Variants in TPRG1 observed in about 807,000 individuals in gnomAD.
TPRG1 encodes the protein tumor protein p63 regulated 1.
In TPRG1, 29 loss-of-function variants were observed where a neutral mutation model predicts 29.3. The ratio of observed to expected loss-of-function variants is 0.99; its 90% CI spans 0.74 to 1.35. TPRG1 has a LOEUF of 1.35. Among genes scored for constraint, TPRG1 ranks in the 40% most tolerant of loss-of-function variants. TPRG1 has a pLI of 0.00. For missense variants in TPRG1, 327 were observed against 335.0 expected (o/e 0.98, Z 0.19); for synonymous variants, 130 against 116.8 (o/e 1.11, Z -0.73).
chr3:189,058,448 A>G (rs781474484), intron 4 of TPRG1, among the ~76,000 whole-genome samples: 4 of 152,364 alleles, frequency 2.6e-5, no homozygotes, highest in Middle Eastern at 3.4e-3. Context: ...GCTGGTTTCT[A>G]TAAAATGGCA....
chr3:189,089,899 CT>C (rs1373472890), intron 4 of TPRG1, among the ~76,000 whole-genome samples: 3 of 151,584 alleles, frequency 2.0e-5, no homozygotes, highest in South Asian at 2.1e-4. Context: ...TGTTTGTCTT[CT>C]TTTTTTTATG....
chr3:189,232,647 A>G (rs1277331236), intron 3 of TPRG1, among the ~76,000 whole-genome samples: 1 of 152,156 alleles, frequency 6.6e-6, no homozygotes, highest in Non-Finnish European at 1.5e-5. Flanking sequence ...GACTGTCTGC[A>G]TGGGATAGTG....
At chr3:189,286,597 A>G (rs1302189602) in intron 4 of TPRG1, among the ~76,000 whole-genome samples, 5 of 152,152 alleles carry the variant, frequency 3.3e-5, no homozygotes, top group Non-Finnish European at 7.4e-5. Context: ...ATTGGGACTG[A>G]GAGATACTAG....
chr3:189,078,051 C>T (rs1269578879), intron 4 of TPRG1, among the ~76,000 whole-genome samples: 92 of 149,428 alleles, frequency 6.2e-4, no homozygotes, highest in African/African-American at 2.1e-3. Context: ...TTCCTTCCTT[C>T]CTTCCTTCCT....
intron 4 of TPRG1, among the ~76,000 whole-genome samples, chr3:189,295,913 T>A (rs1316755150): frequency 4.1e-5 from 4 of 97,232 alleles, no homozygotes; most frequent in Admixed American, 8.9e-5. Flanking sequence ...AATGATGCTT[T>A]AAAAAAAAAA....
At chr3:189,069,875 C>T (rs556659095) in intron 4 of TPRG1, among the ~76,000 whole-genome samples, 4 of 152,210 alleles carry the variant, frequency 2.6e-5, no homozygotes, top group East Asian at 1.9e-4. Flanking sequence ...GTCAAGAGAT[C>T]GAGACCATCC....
chr3:189,246,466 T>G (rs1741399354), intron 4 of TPRG1, among the ~76,000 whole-genome samples: 1 of 152,216 alleles, frequency 6.6e-6, no homozygotes, highest in Non-Finnish European at 1.5e-5. Flanking sequence ...GGCTCATGCT[T>G]TTAATCCATG....
chr3:189,176,348 T>C (rs1729485572), intron 1 of TPRG1, among the ~76,000 whole-genome samples: 1 of 152,228 alleles, frequency 6.6e-6, no homozygotes, highest in Non-Finnish European at 1.5e-5. Flanking sequence ...CAAACGTCTA[T>C]TCAAGTGTCA....
intron 3 of TPRG1, among the ~76,000 whole-genome samples, chr3:189,145,502 G>C (rs1305425456): frequency 6.6e-6 from 1 of 152,160 alleles, no homozygotes; most frequent in Non-Finnish European, 1.5e-5. Flanking sequence ...CTGACCCCTT[G>C]ACAGTGAAGT....
chr3:189,272,107 C>A (rs2109087721), intron 4 of TPRG1, among the ~76,000 whole-genome samples: 1 of 152,260 alleles, frequency 6.6e-6, no homozygotes, highest in East Asian at 1.9e-4. Context: ...CAACTTAGTT[C>A]TTGATGGGAA....
chr3:189,089,243 A>T (rs1159438530), intron 4 of TPRG1, among the ~76,000 whole-genome samples: 1 of 152,214 alleles, frequency 6.6e-6, no homozygotes, highest in Admixed American at 6.5e-5. Context: ...GTAGAATCAC[A>T]TGGGATTCCT....
intron 4 of TPRG1, among the ~76,000 whole-genome samples, chr3:189,275,906 T>C (rs1334267399): frequency 6.6e-6 from 1 of 152,096 alleles, no homozygotes; most frequent in Non-Finnish European, 1.5e-5. Flanking sequence ...TACCTCAAAG[T>C]CTTCAGTGGG....
At chr3:189,118,456 A>G (rs751173142) in intron 1 of TPRG1, among the ~76,000 whole-genome samples, 3 of 152,222 alleles carry the variant, frequency 2.0e-5, no homozygotes, top group East Asian at 1.9e-4. Context: ...ATAAGTATCA[A>G]GGAGTCAAAT....
chr3:189,065,918 G>T lies in TPRG1; in HGVS notation c.-463+41972G>T, dbSNP rs151230854. ...TAATAAAAATCCCAAGGAATCTAAAGAAAAAGAATCCTAGAACTAATAAAT... is the reference window on the plus strand; with the variant it reads ...TAATAAAAATCCCAAGGAATCTAAATAAAAAGAATCCTAGAACTAATAAAT... On this transcript the variant is annotated intron_variant, in intron 4 of 10. Coordinates refer to the TPRG1 transcript ENST00000433971. Among the ~76,000 whole-genome samples, 47 of 152,142 alleles carry T rather than the reference G, an allele frequency of 3.1e-4. No homozygotes were observed. In the East Asian group the frequency reaches 8.1e-3, roughly 26 times the overall value.
chr3:189,071,696 G>A (rs973602049), intron 4 of TPRG1, among the ~76,000 whole-genome samples: 8 of 152,236 alleles, frequency 5.3e-5, no homozygotes, highest in African/African-American at 1.9e-4. Context: ...TCATTAGCCT[G>A]AGGGTATTCA....
At chr3:189,270,836 A>G (rs560001167) in intron 4 of TPRG1, among the ~76,000 whole-genome samples, 23 of 152,288 alleles carry the variant, frequency 1.5e-4, no homozygotes, top group Non-Finnish European at 3.1e-4. Context: ...CTGAGATGAA[A>G]CACAGATCCG....
intron 3 of TPRG1, among the ~76,000 whole-genome samples, chr3:189,226,509 G>T (rs1048638769): frequency 2.0e-5 from 3 of 152,018 alleles, no homozygotes; most frequent in Admixed American, 6.6e-5. Flanking sequence ...TGTGTGGGAC[G>T]CAGCGAAAAC....
intron 4 of TPRG1, among the ~76,000 whole-genome samples, chr3:189,288,076 AAAAG>A (rs1427107481): frequency 1.3e-5 from 2 of 151,346 alleles, no homozygotes; most frequent in Admixed American, 6.6e-5. Context: ...AGACAGAGGA[AAAAG>A]AGAGAGGAGA....
At chr3:189,034,061 A>G (rs573295433) in intron 4 of TPRG1, among the ~76,000 whole-genome samples, 6 of 152,358 alleles carry the variant, frequency 3.9e-5, no homozygotes, top group Admixed American at 2.0e-4. Context: ...GTGTCTTAAT[A>G]ACTTAAGAAT....
Sources: allele counts gnomAD v4.1 joint callset (sites outside exome capture counted in the v4.1 genomes callset), GRCh38; gene constraint gnomAD v4.1.1; transcripts MANE v1.5; gene names NCBI Gene and HGNC (gene_info 2026-07-23, HGNC 2026-07-21).